Variants in MRPL20 observed in about 807,000 individuals in gnomAD.
MRPL20 encodes the protein large ribosomal subunit protein bL20m.
In MRPL20, 21 loss-of-function variants were observed where a neutral mutation model predicts 20.0. That is an observed-to-expected ratio of 1.05 (90% CI 0.74 to 1.51). The LOEUF is 1.51. MRPL20 is among the 40% of genes most tolerant of loss of function. MRPL20 has a pLI of 0.00. For missense variants in MRPL20, 252 were observed against 185.6 expected (o/e 1.36, Z -2.08); for synonymous variants, 104 against 73.0 (o/e 1.43, Z -2.17).
At chr1:1,406,387 G>A (rs1338955724) in intron 2 of MRPL20, 3 of 181,922 alleles carry the variant, frequency 1.6e-5, no homozygotes, top group Admixed American at 1.1e-4. Context: ...TTAGATGCTA[G>A]GTTCATGAGG....
Position 1,407,225 on chromosome 1 carries a change from G to A in MRPL20, c.-8C>T, listed in dbSNP as rs1345691177. ...CGCGGTGAGGAAGACCATGGCGCCT[G>A]CAGGCCGGCGTCCCGAACACTCAAC... On this transcript the variant is annotated 5_prime_UTR_variant, in exon 1 of 4. Coordinates refer to ENST00000344843, the MANE Select transcript of MRPL20 (RefSeq NM_017971.4). The A allele has an allele frequency of 6.3e-7, 1 of 1,590,292 alleles. No homozygotes were observed. Among genetic ancestry groups the A allele is most frequent in the East Asian group, 2.3e-5 (1 of 43,640 alleles).
Position 1,402,046 on chromosome 1 carries a change from A to C in MRPL20, c.*37T>G. 6.3e-7 allele frequency: 1 copy of C among 1,577,328 alleles called. No individual in the cohort carries two copies. Among genetic ancestry groups the C allele is most frequent in the East Asian group, 2.3e-5 (1 of 44,342 alleles). On this transcript the variant is annotated 3_prime_UTR_variant, in exon 4 of 4. Coordinates refer to ENST00000344843, the MANE Select transcript of MRPL20 (RefSeq NM_017971.4). ...GTATAAATCAAACAAACTGCAAATT[A>C]CTCTGTCTCTTTTCCTAATCAATAC...
At chr1:1,405,978 A>C in intron 2 of MRPL20, 92 bp from the exon 3 acceptor site, 1 of 1,503,914 alleles carries the variant, frequency 6.6e-7, no homozygotes, top group Admixed American at 2.1e-5. Flanking sequence ...TATTTTTCTA[A>C]AAGTAAATAG....
rs1645390688 is a variant in MRPL20, at chr1:1,406,940, G to A, written c.167C>T (p.Ala56Val). The A allele has an allele frequency of 1.2e-6, 2 of 1,613,608 alleles. No homozygotes were observed. Among genetic ancestry groups the A allele is most frequent in the African/African-American group, 1.3e-5 (1 of 74,900 alleles). ...VIRAFVKCTK[A>V]RYLKKKNMRT... ...CATGTTCTTTTTCTTCAGGTATCGG[G>A]CTTTGGTGCATTTCACAAAGGCTCG... Residue 56 changes from alanine (A) to valine (V), a missense_variant, in exon 2 of 4, where the codon GCC becomes GTC. Coordinates refer to ENST00000344843, the MANE Select transcript of MRPL20 (RefSeq NM_017971.4).
At chr1:1,405,369 G>A (rs1645373037) in intron 3 of MRPL20, 1 of 494,078 alleles carries the variant, frequency 2.0e-6, no homozygotes, top group Non-Finnish European at 3.6e-6. Context: ...AAACTCCTGG[G>A]GGCTCAAAGT....
At chr1:1,403,753 A>G (rs1206875688) in intron 3 of MRPL20, among the ~76,000 whole-genome samples, 1 of 152,202 alleles carries the variant, frequency 6.6e-6, no homozygotes, top group Non-Finnish European at 1.5e-5. Flanking sequence ...CTACACTTGC[A>G]TAAACCATCC....
intron 3 of MRPL20, chr1:1,405,365 C>T: frequency 2.0e-6 from 1 of 489,654 alleles, no homozygotes; most frequent in South Asian, 2.4e-5. Context: ...CTTCAAACTC[C>T]TGGGGGCTCA....
intron 2 of MRPL20, chr1:1,406,417 G>A (rs1189986439): frequency 5.2e-6 from 1 of 192,212 alleles, no homozygotes; most frequent in Admixed American, 5.3e-5. Context: ...GAGTGGTGAG[G>A]CGCAGTAATG....
At chr1:1,403,266 C>CA (rs1645350341) in intron 3 of MRPL20, among the ~76,000 whole-genome samples, 1 of 151,590 alleles carries the variant, frequency 6.6e-6, no homozygotes, top group South Asian at 2.1e-4. Context: ...TTTTTTGAAA[C>CA]AGAGTCTCAC....
At position 1,406,218 on chromosome 1, in the gene MRPL20, G is replaced by A. The variant is rs942841314; in HGVS notation, c.199-332C>T. On this transcript the variant is annotated intron_variant, in intron 2 of 3. Coordinates refer to ENST00000344843, the MANE Select transcript of MRPL20 (RefSeq NM_017971.4). ...TAAAAATACAAAAAATAGCTTGGTG[G>A]CGCACACCTGCAGTCACAGTTACTC... is the stretch of plus-strand genomic sequence containing the variant. The A allele has an allele frequency of 3.6e-5, 9 of 251,060 alleles. No homozygotes were observed. In the South Asian group the frequency reaches 3.8e-4, roughly 11 times the overall value. 15.6% of individuals were successfully genotyped at this position (251,060 alleles called of 1,614,324 possible). A position where few individuals can be genotyped will look rare whatever the true frequency, so the allele number is the denominator to read the frequency against.
chr1:1,407,078 G>C, intron 1 of MRPL20, 53 bp downstream of exon 1: 1 of 1,608,724 alleles, frequency 6.2e-7, no homozygotes. Flanking sequence ...CCGCCCCTTG[G>C]CCCGCGGGAT....
chr1:1,403,877 T>A (rs1264006302), intron 3 of MRPL20, among the ~76,000 whole-genome samples: 1 of 152,220 alleles, frequency 6.6e-6, no homozygotes, highest in African/African-American at 2.4e-5. Context: ...AGTCACACAC[T>A]GTCGCCCACG....
At position 1,406,960 on chromosome 1, in the gene MRPL20, G is replaced by C; in HGVS notation, c.147C>G (p.Ala49=). The part of the protein sequence containing the change: ...YRLAVRTVIR[A]FVKCTKARYL... ...ATCGGGCTTTGGTGCATTTCACAAAGGCTCGAATCACGGTTCTGACCGCCA... is the reference window on the plus strand; with the variant it reads ...ATCGGGCTTTGGTGCATTTCACAAACGCTCGAATCACGGTTCTGACCGCCA... Residue 49 remains alanine, a synonymous_variant, in exon 2 of 4, where the codon GCC becomes GCG. Coordinates refer to ENST00000344843, the MANE Select transcript of MRPL20 (RefSeq NM_017971.4). 4 of 1,613,846 alleles carry C rather than the reference G, an allele frequency of 2.5e-6. No individual in the cohort carries two copies.
intron 3 of MRPL20, 135 bp downstream of exon 3, chr1:1,405,674 C>A (rs775766093): frequency 6.7e-7 from 1 of 1,493,970 alleles, no homozygotes; most frequent in East Asian, 2.3e-5. Context: ...AAACTACAGC[C>A]CAGAAGTCAG....
intron 3 of MRPL20, among the ~76,000 whole-genome samples, chr1:1,404,157 C>CG (rs1248989173): frequency 8.9e-5 from 13 of 145,536 alleles, no homozygotes; most frequent in African/African-American, 3.0e-4. Context: ...ATTGTTTTAA[C>CG]TTTTTTTTTT....
intron 2 of MRPL20, 90 bp from the exon 3 acceptor site, chr1:1,405,976 T>C (rs1263155253): frequency 1.3e-6 from 2 of 1,503,356 alleles, no homozygotes; most frequent in African/African-American, 2.8e-5. Context: ...AATATTTTTC[T>C]AAAAGTAAAT....
At position 1,406,819 on chromosome 1, in the gene MRPL20, G is replaced by A. The variant is rs1645389030; in HGVS notation, c.198+90C>T. Reference sequence around the variant, plus strand: ...GTATGAAAGGAAGGGGCTGAGGGTGGCCGGGCGGCTGCACACTAGCTGGGT... The same window carrying A: ...GTATGAAAGGAAGGGGCTGAGGGTGACCGGGCGGCTGCACACTAGCTGGGT... On this transcript the variant is annotated intron_variant, in intron 2 of 3. Transcript: ENST00000344843. 25 of 1,103,934 alleles carry A rather than the reference G, an allele frequency of 2.3e-5. No individual in the cohort carries two copies. The South Asian group carries it at 3.1e-4, about 14-fold the overall frequency. The allele number at this position is 1,103,934 out of a possible 1,614,324, so 68.4% of individuals were successfully genotyped here.
chr1:1,407,043 G>A (rs929753452), intron 1 of MRPL20, 24 bp from the exon 2 acceptor site: 1 of 1,612,018 alleles, frequency 6.2e-7, no homozygotes, highest in Admixed American at 1.7e-5. Flanking sequence ...CGAGAAACCA[G>A]GGTTGTCAGC....
At chr1:1,405,453 T>A in intron 3 of MRPL20, 1 of 593,924 alleles carries the variant, frequency 1.7e-6, no homozygotes, top group Non-Finnish European at 3.0e-6. Flanking sequence ...AAATTTTATT[T>A]TTTTGTAGAG....
Sources: gnomAD v4.1 joint callset for allele counts (sites outside exome capture counted in the v4.1 genomes callset) on GRCh38, gnomAD v4.1.1 for gene constraint, MANE v1.5 for transcripts, NCBI Gene and HGNC (gene_info 2026-07-23, HGNC 2026-07-21) for gene names.